Variants in CTSB observed in about 807,000 individuals in gnomAD.
CTSB encodes the protein cathepsin B.
CTSB carries 57 observed loss-of-function variants against 44.3 expected under a neutral mutation model. That is an observed-to-expected ratio of 1.29 (90% CI 1.04 to 1.60). The LOEUF (loss-of-function observed/expected upper bound fraction) is 1.60, where lower values mean the gene tolerates loss of function less well. CTSB is among the 40% of genes most tolerant of loss of function. The pLI is 0.00. For synonymous variants in CTSB, 320 were observed against 168.0 expected (o/e 1.91, Z -7.00); for missense variants, 768 against 443.0 (o/e 1.73, Z -6.59).
chr8:11,859,115 TCC>T (rs1316887217), intron 1 of CTSB, among the ~76,000 whole-genome samples: 2 of 152,006 alleles, frequency 1.3e-5, no homozygotes, highest in Admixed American at 6.6e-5. Flanking sequence ...CTGCCCCTTT[TCC>T]AAGCTAATCT....
rs866787331 is a variant in CTSB, at chr8:11,845,602, T to C, written c.922+59A>G. On this transcript the variant is annotated intron_variant, in intron 9 of 9. Transcript: ENST00000353047. ...GTGGGTAGAACAGAGAAAGCCGAGA[T>C]GGCCACGGGGTGTGGCTCACAATTC... is the stretch of plus-strand genomic sequence containing the variant. 2.5e-6 allele frequency: 4 copies of C among 1,579,612 alleles called. No individual in the cohort carries two copies. In the African/African-American group the frequency reaches 4.0e-5, roughly 16 times the overall value.
intron 1 of CTSB, among the ~76,000 whole-genome samples, chr8:11,863,091 T>C (rs917038808): frequency 6.6e-5 from 10 of 152,112 alleles, no homozygotes; most frequent in South Asian, 4.1e-4. Context: ...GGTGGGAAGA[T>C]TGACTGAACC....
chr8:11,858,295 GT>G (rs927307247), intron 1 of CTSB, among the ~76,000 whole-genome samples: 1 of 151,926 alleles, frequency 6.6e-6, no homozygotes, highest in African/African-American at 2.4e-5. Context: ...AAACAAGTTT[GT>G]TTTTTTTGTT....
intron 2 of CTSB, among the ~76,000 whole-genome samples, chr8:11,853,075 T>TCCC (rs1388907240): frequency 6.6e-6 from 1 of 151,692 alleles, no homozygotes; most frequent in African/African-American, 2.4e-5. Context: ...GCTCACTTAC[T>TCCC]CCCCCACACA....
chr8:11,863,060 T>A (rs1377322170), intron 1 of CTSB, among the ~76,000 whole-genome samples: 1 of 152,116 alleles, frequency 6.6e-6, no homozygotes, highest in African/African-American at 2.4e-5. Context: ...CATCTATAAT[T>A]CTGACACTTC....
rs1441862178 is a variant in CTSB at position 11,853,419 on chromosome 8, C to T, written c.36G>A (p.Leu12=). 6.8e-6 allele frequency: 11 copies of T among 1,612,430 alleles called. No homozygotes were observed. Among genetic ancestry groups the T allele is most frequent in the Non-Finnish European group, 7.6e-6 (9 of 1,179,762 alleles). The change falls in exon 2 of 10, where the codon CTG becomes CTA. Residue 12 remains leucine, a synonymous_variant. Coordinates refer to ENST00000353047, the MANE Select transcript of CTSB (RefSeq NM_001908.5). ...GCCTGCTCCGGGCATTGGCCAACAC[C>T]AGCAGGCAGCAGAGGGAGGCCCAGA... ...WQLWASLCCL[L]VLANARSRPS...
Position 11,844,045 on chromosome 8 carries a change from C to CAAA in CTSB, c.*1077_*1079dup, listed in dbSNP as rs894531955. ...CTCACTCTGTCAGTCACAACAACAA[C>CAAA]AAAAAAATAGAGCACAGCTATGTTT... is the stretch of plus-strand genomic sequence containing the variant. On this transcript the variant is annotated 3_prime_UTR_variant, in exon 10 of 10. Coordinates refer to ENST00000353047, the MANE Select transcript of CTSB (RefSeq NM_001908.5). 3 of 151,904 alleles carry CAAA rather than the reference C, an allele frequency of 2.0e-5. No homozygotes were observed. The highest frequency in any genetic ancestry group is 7.3e-5 in the African/African-American group (3 of 41,346). 9.4% of individuals were successfully genotyped at this position (151,904 alleles called of 1,614,324 possible).
chr8:11,849,214 C>A lies in CTSB; in HGVS notation c.328-50G>T, dbSNP rs748687652. 2.6e-6 allele frequency: 4 copies of A among 1,513,848 alleles called. No individual in the cohort carries two copies. In the South Asian group the frequency reaches 4.5e-5, roughly 17 times the overall value. 93.8% of individuals were successfully genotyped at this position (1,513,848 alleles called of 1,614,324 possible). On this transcript the variant is annotated intron_variant, in intron 4 of 9. Coordinates refer to ENST00000353047, the MANE Select transcript of CTSB (RefSeq NM_001908.5). ...GAGGCTGCCATGTCCGGGCTGGGCC[C>A]TCTGCAGCAGTCCCCTCAAAGGGCC...
intron 1 of CTSB, among the ~76,000 whole-genome samples, chr8:11,856,208 C>G (rs746983508): frequency 3.3e-5 from 5 of 151,938 alleles, no homozygotes; most frequent in Non-Finnish European, 2.9e-5. Flanking sequence ...GCACAACCAC[C>G]GAGACATCAA....
rs62495698 is a variant in CTSB at position 11,854,155 on chromosome 8, C to G, written c.-25-676G>C. 1.0e-2 allele frequency among the ~76,000 whole-genome samples: 1,521 copies of G among 152,346 alleles called. 13 individuals carry two copies. The highest frequency in any genetic ancestry group is 0.013 in the Non-Finnish European group (884 of 68,032). ...AAGCCAGTGCTTTCCAGCTTGAACT[C>G]TGAGTCACCCTCCTAAGTGAGCAGC... is the stretch of plus-strand genomic sequence containing the variant. On this transcript the variant is annotated intron_variant, in intron 1 of 9. Coordinates refer to ENST00000353047, the MANE Select transcript of CTSB (RefSeq NM_001908.5).
intron 2 of CTSB, among the ~76,000 whole-genome samples, chr8:11,853,047 G>C (rs74936424): frequency 0.026 from 3,944 of 152,212 alleles, 91 homozygotes; most frequent in Non-Finnish European, 0.044. Context: ...GGGCTAGCTG[G>C]TTTTGAACAC....
Position 11,843,584 on chromosome 8 carries a change from T to C in CTSB, c.*1541A>G, listed in dbSNP as rs910356334. Reference sequence around the variant, plus strand: ...AGTGGCATACAAATTCAAAATACTGTATACAGGCCCTGACTCCAGCCCAAA... The same window carrying C: ...AGTGGCATACAAATTCAAAATACTGCATACAGGCCCTGACTCCAGCCCAAA... On this transcript the variant is annotated 3_prime_UTR_variant, in exon 10 of 10. Coordinates refer to ENST00000353047, the MANE Select transcript of CTSB (RefSeq NM_001908.5). 2.0e-5 allele frequency: 3 copies of C among 152,238 alleles called. No individual in the cohort carries two copies. The highest frequency in any genetic ancestry group is 7.2e-5 in the African/African-American group (3 of 41,452). 9.4% of individuals were successfully genotyped at this position (152,238 alleles called of 1,614,324 possible).
intron 7 of CTSB, 87 bp downstream of exon 7, chr8:11,847,592 G>A (rs2131004058): frequency 1.4e-6 from 2 of 1,438,306 alleles, no homozygotes; most frequent in Non-Finnish European, 1.9e-6. Flanking sequence ...AGGCTCCTCA[G>A]CCCTGACCTC....
At position 11,847,167 on chromosome 8, in the gene CTSB, T is replaced by A; in HGVS notation, c.678A>T (p.Gly226=). Residue 226 remains glycine (G), a splice_region_variant and synonymous_variant, in exon 8 of 10, where the codon GGA becomes GGT. Coordinates refer to ENST00000353047, the MANE Select transcript of CTSB (RefSeq NM_001908.5). ...TATTGGAGACGCTGTAGGAATTGTA[T>A]CCTGGAAAATGAACCGAGCTCGGGG... ...SPTYKQDKHY[G]YNSYSVSNSE... 1 of 1,601,844 alleles carries A rather than the reference T, an allele frequency of 6.2e-7. No individual in the cohort carries two copies. Among genetic ancestry groups the A allele is most frequent in the Non-Finnish European group, 8.6e-7 (1 of 1,169,188 alleles).
chr8:11,850,336 T>C (rs1323388811), intron 4 of CTSB, among the ~76,000 whole-genome samples: 1 of 145,762 alleles, frequency 6.9e-6, no homozygotes, highest in Non-Finnish European at 1.5e-5. Flanking sequence ...GGAGAATTGC[T>C]TGAACCCAGG....
Position 11,844,904 on chromosome 8 carries a change from A to G in CTSB, c.*221T>C, listed in dbSNP as rs1296710873. Reference sequence around the variant, plus strand: ...ACGGCACTAGTCTACAGGGGGAAGGACGCTCTGTGCTGGCAGCGGTGGCTC... The same window carrying G: ...ACGGCACTAGTCTACAGGGGGAAGGGCGCTCTGTGCTGGCAGCGGTGGCTC... On this transcript the variant is annotated 3_prime_UTR_variant, in exon 10 of 10. Coordinates refer to ENST00000353047, the MANE Select transcript of CTSB (RefSeq NM_001908.5). The G allele has an allele frequency of 3.6e-6, 2 of 561,596 alleles. No individual in the cohort carries two copies. The highest frequency in any genetic ancestry group is 6.4e-6 in the Non-Finnish European group (2 of 313,890). The allele number at this position is 561,596 out of a possible 1,614,324, so 34.8% of individuals were successfully genotyped here.
chr8:11,847,974 T>G (rs894907197), intron 6 of CTSB, 93 bp downstream of exon 6: 1 of 1,362,764 alleles, frequency 7.3e-7, no homozygotes, highest in Non-Finnish European at 1.0e-6. Flanking sequence ...CCCCTCTGTC[T>G]CAACCCCCAG....
chr8:11,845,215 A>T lies in CTSB; in HGVS notation c.930T>A (p.Phe310Leu). The change falls in exon 10 of 10, where the codon TTT becomes TTA. Residue 310 changes from phenylalanine (F) to leucine (L), a missense_variant. By Grantham distance (22) the Phe-to-Leu change is conservative (BLOSUM62 0). Transcript: ENST00000353047. The part of the protein sequence containing the change: ...WNTDWGDNGF[F>L]KILRGQDHCG... ...AGTGATCCTGTCCTCTGAGTATTTT[A>T]AAGAAGCCTGGGAATAAAAAGTAAG... 2 of 1,612,710 alleles carry T rather than the reference A, an allele frequency of 1.2e-6. No individual in the cohort carries two copies. Among genetic ancestry groups the T allele is most frequent in the Non-Finnish European group, 1.7e-6 (2 of 1,178,756 alleles).
chr8:11,854,940 G>T (rs577212458), intron 1 of CTSB: 1 of 152,468 alleles, frequency 6.6e-6, no homozygotes, highest in African/African-American at 2.4e-5. Context: ...GAGGAAACAG[G>T]ACAGTGCTTG....
Sources: gnomAD v4.1 joint callset for allele counts (sites outside exome capture counted in the v4.1 genomes callset) on GRCh38, gnomAD v4.1.1 for gene constraint, MANE v1.5 for transcripts, NCBI Gene and HGNC (gene_info 2026-07-23, HGNC 2026-07-21) for gene names.